FAM193A: variants seen among roughly 807,000 people sequenced by gnomAD.
The protein encoded by FAM193A is protein FAM193A.
A neutral mutation model predicts 126.5 loss-of-function variants in FAM193A; 22 were observed. The observed-to-expected ratio is 0.17, with a 90% CI of 0.12 to 0.25. The LOEUF (loss-of-function observed/expected upper bound fraction) is 0.25, where lower values mean the gene tolerates loss of function less well. FAM193A is among the 10% of genes least tolerant of loss of function. The pLI, the probability that FAM193A is intolerant of heterozygous loss-of-function variation, is 1.00. For synonymous variants in FAM193A, 761 were observed against 646.8 expected (o/e 1.18, Z -2.68); for missense variants, 1,675 against 1,672.8 (o/e 1.00, Z -0.02).
chr4:2,644,189 A>G (rs1441770827), intron 6 of FAM193A, among the ~76,000 whole-genome samples: 17 of 152,152 alleles, frequency 1.1e-4, no homozygotes, highest in Admixed American at 9.8e-4. Flanking sequence ...TTGCTTTTCA[A>G]TTATACCAAC....
intron 1 of FAM193A, among the ~76,000 whole-genome samples, chr4:2,547,570 A>G (rs1737640763): frequency 6.6e-6 from 1 of 150,536 alleles, no homozygotes; most frequent in East Asian, 2.0e-4. Context: ...CAGACAGTTT[A>G]TAATTCCTGA....
intron 13 of FAM193A, among the ~76,000 whole-genome samples, chr4:2,684,647 G>C (rs1715525211): frequency 2.0e-5 from 3 of 152,182 alleles, no homozygotes; most frequent in Admixed American, 2.0e-4. Context: ...GCTGATGCGA[G>C]AGCTGCCTGA....
At chr4:2,623,233 C>T (rs1445217535) in intron 2 of FAM193A, among the ~76,000 whole-genome samples, 1 of 151,892 alleles carries the variant, frequency 6.6e-6, no homozygotes, top group East Asian at 1.9e-4. Context: ...TGCGGTGGCG[C>T]GATCTCGGCT....
chr4:2,677,012 A>G (rs1231582797), intron 13 of FAM193A, among the ~76,000 whole-genome samples: 1 of 152,184 alleles, frequency 6.6e-6, no homozygotes, highest in Non-Finnish European at 1.5e-5. Context: ...GTTACATCCA[A>G]TAAATCATTG....
Position 2,700,301 on chromosome 4 carries a change from G to A in FAM193A, c.4129G>A (p.Val1377Met), listed in dbSNP as rs1303035577. The change falls in exon 19 of 21, where the codon GTG becomes ATG. Residue 1377 changes from valine to methionine, a missense_variant. Around this residue, in one of 4 missense-constraint regions of FAM193A, gnomAD observed 415 missense variants for 396.7 expected, o/e 1.05. Coordinates refer to ENST00000637812, the MANE Select transcript of FAM193A (RefSeq NM_001366318.2). ...PRAQTESKAK[V>M]VDLMSITEQK... Reference sequence around the variant, plus strand: ...GGCCCAGACTGAGTCAAAGGCTAAGGTGGTCGACCTCATGTCCATCACAGA... The same window carrying A: ...GGCCCAGACTGAGTCAAAGGCTAAGATGGTCGACCTCATGTCCATCACAGA... The A allele has an allele frequency of 1.2e-6, 2 of 1,614,094 alleles. No homozygotes were observed. The highest frequency in any genetic ancestry group is 1.7e-6 in the Non-Finnish European group (2 of 1,180,018).
At chr4:2,614,829 T>C (rs567993186) in intron 2 of FAM193A, among the ~76,000 whole-genome samples, 6 of 152,310 alleles carry the variant, frequency 3.9e-5, no homozygotes, top group Admixed American at 3.9e-4. Flanking sequence ...GTGCTAGTTT[T>C]TGTCTTTAAG....
At chr4:2,716,243 G>C (rs1373331134) in intron 20 of FAM193A, 139 bp downstream of exon 20, 4 of 667,420 alleles carry the variant, frequency 6.0e-6, no homozygotes, top group Non-Finnish European at 1.1e-5. Flanking sequence ...CTTCTGAAGA[G>C]CCTTGTAGTA....
At chr4:2,558,433 G>T (rs1441320077) in intron 1 of FAM193A, among the ~76,000 whole-genome samples, 1 of 152,158 alleles carries the variant, frequency 6.6e-6, no homozygotes, top group African/African-American at 2.4e-5. Context: ...CCAGGCTGGA[G>T]TGCAATTCCG....
intron 7 of FAM193A, among the ~76,000 whole-genome samples, chr4:2,653,959 G>A (rs1745921762): frequency 6.6e-6 from 1 of 152,174 alleles, no homozygotes; most frequent in Admixed American, 6.6e-5. Context: ...CAGTATGTCA[G>A]CAGGGCTATG....
At chr4:2,716,150 C>A in intron 20 of FAM193A, 46 bp downstream of exon 20, 1 of 1,246,796 alleles carries the variant, frequency 8.0e-7, no homozygotes, top group Non-Finnish European at 1.2e-6. Context: ...TGTGTGCTTG[C>A]CATACATGTT....
chr4:2,731,922 CAA>C lies in FAM193A; in HGVS notation c.*55_*56del. On this transcript the variant is annotated 3_prime_UTR_variant, in exon 21 of 21. Transcript: ENST00000637812. ...AGAGGCAGGCCAGGCTGCACCACCC[CAA>C]GAGCCACGCCCCTCGCTGGCGCCCC... is the stretch of plus-strand genomic sequence containing the variant. The C allele has an allele frequency of 7.4e-7, 1 of 1,352,286 alleles. No individual in the cohort carries two copies. Among genetic ancestry groups the C allele is most frequent in the Non-Finnish European group, 1.1e-6 (1 of 943,818 alleles). The allele number at this position is 1,352,286 out of a possible 1,614,324, so 83.8% of individuals were successfully genotyped here.
At chr4:2,574,510 C>A (rs1300359437) in intron 1 of FAM193A, among the ~76,000 whole-genome samples, 1 of 152,122 alleles carries the variant, frequency 6.6e-6, no homozygotes, top group East Asian at 1.9e-4. Flanking sequence ...AGACATTTGA[C>A]CCCTAAATCC....
intron 20 of FAM193A, among the ~76,000 whole-genome samples, chr4:2,730,713 G>C (rs1404067351): frequency 6.6e-6 from 1 of 151,516 alleles, no homozygotes. Context: ...AAGCTTCTTG[G>C]CCAGGGAAGA....
intron 7 of FAM193A, among the ~76,000 whole-genome samples, chr4:2,653,676 T>G (rs1477953508): frequency 6.6e-6 from 1 of 152,144 alleles, no homozygotes; most frequent in African/African-American, 2.4e-5. Context: ...TCTCTTGACC[T>G]CATCATCCAC....
At chr4:2,550,273 T>C (rs554036986) in intron 1 of FAM193A, among the ~76,000 whole-genome samples, 1 of 152,030 alleles carries the variant, frequency 6.6e-6, no homozygotes, top group South Asian at 2.1e-4. Context: ...CTCGAACTCC[T>C]GGCCTCTAGT....
Position 2,576,635 on chromosome 4 carries a change from C to T in FAM193A, c.256-19449C>T, listed in dbSNP as rs1203089213. 2.6e-5 allele frequency among the ~76,000 whole-genome samples: 4 copies of T among 152,188 alleles called. No individual in the cohort carries two copies. The South Asian group carries it at 8.3e-4, about 31-fold the overall frequency. On this transcript the variant is annotated intron_variant, in intron 1 of 20. Coordinates refer to ENST00000637812, the MANE Select transcript of FAM193A (RefSeq NM_001366318.2). ...GCTATTGTGACAGCCTCTTGAGTAG[C>T]TGGGATTACAGGTGTGCACCACCAT...
At chr4:2,680,226 A>G (rs1714946747) in intron 13 of FAM193A, among the ~76,000 whole-genome samples, 1 of 152,042 alleles carries the variant, frequency 6.6e-6, no homozygotes, top group Non-Finnish European at 1.5e-5. Context: ...AGACTTTTCT[A>G]TTTCTTTATG....
chr4:2,563,287 G>C (rs766732202), intron 1 of FAM193A, among the ~76,000 whole-genome samples: 16 of 152,160 alleles, frequency 1.1e-4, no homozygotes, highest in Non-Finnish European at 2.4e-4. Context: ...TCTGTTCTGA[G>C]GCAAGAGAGA....
chr4:2,631,593 A>G (rs1743593284), intron 5 of FAM193A, among the ~76,000 whole-genome samples: 1 of 152,196 alleles, frequency 6.6e-6, no homozygotes, highest in African/African-American at 2.4e-5. Flanking sequence ...GCTGTAGAGA[A>G]CAGCTTGTTT....
Sources: allele counts gnomAD v4.1 joint callset (sites outside exome capture counted in the v4.1 genomes callset), GRCh38; gene constraint gnomAD v4.1.1; regional missense constraint gnomAD v4.1.1; transcripts MANE v1.5; gene names NCBI Gene and HGNC (gene_info 2026-07-23, HGNC 2026-07-21).